VPS13B: variants seen among roughly 807,000 people sequenced by gnomAD.
VPS13B encodes the protein vacuolar protein sorting 13 homolog B, also known as intermembrane lipid transfer protein VPS13B.
Under a neutral mutation model 426.4 loss-of-function variants are expected in VPS13B, and 285 were observed. The ratio of observed to expected loss-of-function variants is 0.67; its 90% CI spans 0.61 to 0.74. The LOEUF (loss-of-function observed/expected upper bound fraction) is 0.74, where lower values mean the gene tolerates loss of function less well. Among genes scored for constraint, VPS13B ranks in the 30% least tolerant of loss-of-function variants. The pLI, the probability that VPS13B is intolerant of heterozygous loss-of-function variation, is 0.00. For synonymous variants in VPS13B, 1,676 were observed against 1,676.4 expected (o/e 1.00, Z 0.01); for missense variants, 4,537 against 4,782.6 (o/e 0.95, Z 1.51).
At chr8:99,697,146 C>T (rs556534759) in intron 35 of VPS13B, 32 of 537,236 alleles carry the variant, frequency 6.0e-5, no homozygotes, top group Non-Finnish European at 9.3e-5. Flanking sequence ...ACTGCAGACT[C>T]TCCCAGAGAT....
At chr8:99,286,018 C>T (rs542278698) in intron 19 of VPS13B, among the ~76,000 whole-genome samples, 202 of 152,242 alleles carry the variant, frequency 1.3e-3, no homozygotes, top group African/African-American at 4.6e-3. Flanking sequence ...CCTTCCTCCT[C>T]CCCATCCCTT....
At chr8:99,199,202 G>A (rs1465334751) in intron 17 of VPS13B, among the ~76,000 whole-genome samples, 1 of 151,922 alleles carries the variant, frequency 6.6e-6, no homozygotes, top group East Asian at 1.9e-4. Context: ...ATTTTTTTGA[G>A]ATGGAGTCTC....
intron 43 of VPS13B, among the ~76,000 whole-genome samples, chr8:99,802,703 T>G (rs1323344695): frequency 6.6e-6 from 1 of 152,202 alleles, no homozygotes; most frequent in Non-Finnish European, 1.5e-5. Context: ...GCCCATACCT[T>G]TTTGTAATGT....
At chr8:99,481,206 G>A (rs1040010646) in intron 24 of VPS13B, among the ~76,000 whole-genome samples, 9 of 152,164 alleles carry the variant, frequency 5.9e-5, no homozygotes, top group African/African-American at 1.9e-4. Flanking sequence ...AAAATTAGAT[G>A]TGGAAATTAA....
intron 2 of VPS13B, among the ~76,000 whole-genome samples, chr8:99,016,469 AATT>A (rs2132135289): frequency 6.9e-6 from 1 of 145,854 alleles, no homozygotes; most frequent in East Asian, 2.0e-4. Flanking sequence ...CCTAATGACT[AATT>A]ATGTTTTTAT....
chr8:99,854,224 T>C lies in VPS13B; in HGVS notation c.10835T>C (p.Met3612Thr). 6.2e-7 allele frequency: 1 copy of C among 1,614,098 alleles called. No homozygotes were observed. Among genetic ancestry groups the C allele is most frequent in the Non-Finnish European group, 8.5e-7 (1 of 1,180,028 alleles). Residue 3612 changes from methionine (M) to threonine (T), a missense_variant, in exon 56 of 62, where the codon ATG becomes ACG. Coordinates refer to ENST00000357162, the MANE Select transcript of VPS13B (RefSeq NM_152564.5). ...TARQLVHALA[M>T]HYAAGALFRA... ...AGGCAGCTTGTGCACGCCCTGGCAA[T>C]GCACTATGCCGCTGGGGCCCTTTTT...
intron 23 of VPS13B, among the ~76,000 whole-genome samples, chr8:99,450,906 A>G (rs769780195): frequency 2.6e-5 from 4 of 152,164 alleles, no homozygotes; most frequent in Non-Finnish European, 5.9e-5. Flanking sequence ...TTCGTATGTA[A>G]CTAAGATTAT....
At chr8:99,055,044 G>GTTTTTTTTTTGTT (rs576243294) in intron 3 of VPS13B, among the ~76,000 whole-genome samples, 1 of 141,882 alleles carries the variant, frequency 7.0e-6, no homozygotes, top group Non-Finnish European at 1.5e-5. Context: ...TTTTTTTTTT[G>GTTTTTTTTTTGTT]TTTTTTTTTT....
intron 4 of VPS13B, among the ~76,000 whole-genome samples, chr8:99,096,935 ACT>A (rs1454937484): frequency 6.6e-6 from 1 of 151,954 alleles, no homozygotes; most frequent in Non-Finnish European, 1.5e-5. Context: ...TTATCTTGAG[ACT>A]CTGGTATCTT....
At chr8:99,048,910 A>G (rs1006768382) in intron 3 of VPS13B, among the ~76,000 whole-genome samples, 3 of 151,858 alleles carry the variant, frequency 2.0e-5, no homozygotes, top group African/African-American at 4.8e-5. Context: ...TTATCATTAT[A>G]TAATGTCCCT....
At chr8:99,420,215 G>A (rs1816294257) in intron 21 of VPS13B, among the ~76,000 whole-genome samples, 1 of 152,158 alleles carries the variant, frequency 6.6e-6, no homozygotes, top group Non-Finnish European at 1.5e-5. Flanking sequence ...TTTTTGATAT[G>A]ATGAAGTAAC....
chr8:99,027,739 T>A (rs1842213481), intron 2 of VPS13B, among the ~76,000 whole-genome samples: 1 of 152,000 alleles, frequency 6.6e-6, no homozygotes, highest in South Asian at 2.1e-4. Context: ...TTTTTTATTT[T>A]TTTATTTTTT....
Position 99,121,170 on chromosome 8 carries a change from T to C in VPS13B, c.938-7T>C, listed in dbSNP as rs200067547. On this transcript the variant is annotated splice_region_variant and splice_polypyrimidine_tract_variant and intron_variant, in intron 7 of 61. Coordinates refer to ENST00000357162, the MANE Select transcript of VPS13B (RefSeq NM_152564.5). ...CTTATTTAAAATGACTTAATTTTAA[T>C]TGATAGGTTCTGAAGATGAAACAAG... 6.2e-6 allele frequency: 10 copies of C among 1,610,880 alleles called. No homozygotes were observed. Among genetic ancestry groups the C allele is most frequent in the Admixed American group, 1.7e-5 (1 of 59,528 alleles).
At chr8:99,738,928 C>G (rs1363677465) in intron 39 of VPS13B, among the ~76,000 whole-genome samples, 2 of 152,216 alleles carry the variant, frequency 1.3e-5, no homozygotes, top group East Asian at 3.9e-4. Flanking sequence ...TCTGCATTTC[C>G]AACTGAGGTA....
chr8:99,643,833 G>A (rs985476284), intron 34 of VPS13B, among the ~76,000 whole-genome samples: 14 of 152,226 alleles, frequency 9.2e-5, no homozygotes, highest in African/African-American at 3.4e-4. Flanking sequence ...TCATTTACTG[G>A]GTGCCTGTGA....
intron 20 of VPS13B, among the ~76,000 whole-genome samples, chr8:99,390,609 G>A (rs577795453): frequency 1.3e-5 from 2 of 152,188 alleles, no homozygotes; most frequent in South Asian, 4.2e-4. Context: ...TTTGGTTGTG[G>A]TACTGAAGAT....
intron 34 of VPS13B, among the ~76,000 whole-genome samples, chr8:99,657,483 T>TGTGTGTGTGTGTGA (rs1830066175): frequency 6.6e-6 from 1 of 151,852 alleles, no homozygotes; most frequent in South Asian, 2.1e-4. Flanking sequence ...TGTGTGTGTG[T>TGTGTGTGTGTGTGA]GTGTGTGTGT....
Position 99,060,953 on chromosome 8 carries a change from ATGAG to A in VPS13B, c.291+22391_291+22394del, listed in dbSNP as rs1359307443. Among the ~76,000 whole-genome samples the A allele has an allele frequency of 1.1e-4, 17 of 152,348 alleles. No individual in the cohort carries two copies. The East Asian group carries it at 3.3e-3, about 29-fold the overall frequency. ...CAGGGACTTTCTAAGAATGTTATGAATGAGTGAAAATATGGGGTTGTAACAGAAG... is the reference window on the plus strand; with the variant it reads ...CAGGGACTTTCTAAGAATGTTATGAATGAAAATATGGGGTTGTAACAGAAG... On this transcript the variant is annotated intron_variant, in intron 3 of 61. Coordinates refer to ENST00000357162, the MANE Select transcript of VPS13B (RefSeq NM_152564.5).
rs999794886 is a variant in VPS13B at position 99,199,311 on chromosome 8, A to G, written c.2515+6254A>G. ...ATTTTCCTCCCGAGTAGCTGGGACT[A>G]CAGGTGCCTGCCACCACACCCGGCT... On this transcript the variant is annotated intron_variant, in intron 17 of 61. Coordinates refer to ENST00000357162, the MANE Select transcript of VPS13B (RefSeq NM_152564.5). 4.6e-5 allele frequency among the ~76,000 whole-genome samples: 7 copies of G among 152,074 alleles called. No homozygotes were observed. The East Asian group carries it at 1.2e-3, about 25-fold the overall frequency.
Sources: gnomAD v4.1 joint callset for allele counts (sites outside exome capture counted in the v4.1 genomes callset) on GRCh38, gnomAD v4.1.1 for gene constraint, MANE v1.5 for transcripts, NCBI Gene and HGNC (gene_info 2026-07-23, HGNC 2026-07-21) for gene names.